The following USP32 variants were observed in gnomAD, a reference collection of about 807,000 sequenced individuals.
USP32 encodes ubiquitin carboxyl-terminal hydrolase 32.
A neutral mutation model predicts 204.8 loss-of-function variants in USP32; 59 were observed. The ratio of observed to expected loss-of-function variants is 0.29; its 90% CI spans 0.23 to 0.36. The LOEUF (loss-of-function observed/expected upper bound fraction) is 0.36, where lower values mean the gene tolerates loss of function less well. USP32 is among the 10% of genes least tolerant of loss of function. The pLI is 1.00. For missense variants in USP32, 1,160 were observed against 1,946.4 expected (o/e 0.60, Z 7.60); for synonymous variants, 517 against 678.4 (o/e 0.76, Z 3.70).
chr17:60,244,554 C>G (rs1216597379), intron 11 of USP32, among the ~76,000 whole-genome samples: 1 of 151,984 alleles, frequency 6.6e-6, no homozygotes, highest in Non-Finnish European at 1.5e-5. Flanking sequence ...TTAAATAAAA[C>G]TATTTTGGGG....
chr17:60,243,348 A>G (rs189112284), intron 11 of USP32, among the ~76,000 whole-genome samples: 15 of 152,144 alleles, frequency 9.9e-5, no homozygotes, highest in Admixed American at 4.6e-4. Flanking sequence ...GATGCCTTTT[A>G]TTTCCTTTTC....
At chr17:60,256,667 G>A (rs1342524470) in intron 9 of USP32, 2 of 1,081,236 alleles carry the variant, frequency 1.8e-6, no homozygotes, top group African/African-American at 3.4e-5. Flanking sequence ...TTGTCCCACT[G>A]TAGTGTGGTA....
At chr17:60,236,061 G>T in intron 12 of USP32, 77 bp downstream of exon 12, 1 of 1,154,650 alleles carries the variant, frequency 8.7e-7, no homozygotes, top group Non-Finnish European at 1.3e-6. Flanking sequence ...GGTAGTCATA[G>T]CATTTTATTA....
Position 60,226,125 on chromosome 17 carries a change from C to T in USP32, c.1346G>A (p.Ser449Asn), listed in dbSNP as rs771412702. The change falls in exon 13 of 34, where the codon AGC becomes AAC. Residue 449 changes from serine to asparagine, a missense_variant. Around this residue, in one of 8 missense-constraint regions of USP32, gnomAD observed 536 missense variants for 680.9 expected, o/e 0.79. Coordinates refer to ENST00000300896, the MANE Select transcript of USP32 (RefSeq NM_032582.4). ...TGTAGTATTCACGTAACTGAGGCTG[C>T]TTCCAATTCTATCTTCGACCTGCTC... ...PMEQVEDRIG[S>N]SLSYVNTTEE... The T allele has an allele frequency of 6.2e-6, 10 of 1,608,476 alleles. No individual in the cohort carries two copies. The highest frequency in any genetic ancestry group is 8.5e-6 in the Non-Finnish European group (10 of 1,178,094).
At chr17:60,285,199 TG>T (rs2087079920) in intron 5 of USP32, among the ~76,000 whole-genome samples, 1 of 152,192 alleles carries the variant, frequency 6.6e-6, no homozygotes, top group Non-Finnish European at 1.5e-5. Context: ...AATATCCATA[TG>T]AGTAACAATA....
intron 3 of USP32, among the ~76,000 whole-genome samples, chr17:60,295,745 GTT>G (rs1430555655): frequency 6.6e-6 from 1 of 151,558 alleles, no homozygotes; most frequent in East Asian, 1.9e-4. Flanking sequence ...ATAGTATATT[GTT>G]ATAATATTAC....
intron 5 of USP32, 126 bp downstream of exon 5, chr17:60,288,397 G>T: frequency 8.7e-7 from 1 of 1,143,364 alleles, no homozygotes; most frequent in Non-Finnish European, 1.2e-6. Context: ...CCACGATGGT[G>T]CCACTGCACT....
At chr17:60,333,495 G>A (rs1452396795) in intron 2 of USP32, among the ~76,000 whole-genome samples, 1 of 152,148 alleles carries the variant, frequency 6.6e-6, no homozygotes. Flanking sequence ...AGCTACTTGG[G>A]ACACTAAGGC....
intron 9 of USP32, 64 bp from the exon 10 acceptor site, chr17:60,255,322 G>C: frequency 7.8e-7 from 1 of 1,274,444 alleles, no homozygotes; most frequent in Non-Finnish European, 1.1e-6. Flanking sequence ...TTTTGAGACG[G>C]AGTCTCATAC....
intron 11 of USP32, among the ~76,000 whole-genome samples, chr17:60,248,676 A>G (rs1168228466): frequency 6.6e-6 from 1 of 151,948 alleles, no homozygotes; most frequent in Non-Finnish European, 1.5e-5. Context: ...ATTTATTGCT[A>G]TTTTCTATTT....
At chr17:60,270,024 G>A (rs543442950) in intron 6 of USP32, among the ~76,000 whole-genome samples, 2 of 152,180 alleles carry the variant, frequency 1.3e-5, no homozygotes, top group Non-Finnish European at 2.9e-5. Flanking sequence ...ATAAAGCAAA[G>A]GAAGATACAC....
chr17:60,336,021 A>G (rs979788113), intron 2 of USP32, among the ~76,000 whole-genome samples: 1 of 143,198 alleles, frequency 7.0e-6, no homozygotes, highest in Non-Finnish European at 1.5e-5. Context: ...TAGTCATGTC[A>G]GTAGCTCGGT....
At chr17:60,389,434 T>G (rs900460316) in intron 1 of USP32, among the ~76,000 whole-genome samples, 3 of 151,820 alleles carry the variant, frequency 2.0e-5, no homozygotes, top group Admixed American at 6.6e-5. Context: ...TCCCAGCTAC[T>G]CGGGAGGCTG....
At chr17:60,265,295 G>C (rs2086560668) in intron 9 of USP32, 117 bp downstream of exon 9, 1 of 623,988 alleles carries the variant, frequency 1.6e-6, no homozygotes, top group Non-Finnish European at 2.7e-6. Flanking sequence ...CACAGGTCCA[G>C]ATAAGTACTT....
intron 1 of USP32, among the ~76,000 whole-genome samples, chr17:60,360,457 G>A (rs186729502): frequency 1.1e-4 from 16 of 152,068 alleles, no homozygotes; most frequent in Admixed American, 4.6e-4. Context: ...TCAGGAGTTC[G>A]AGACCAGCCT....
intron 1 of USP32, among the ~76,000 whole-genome samples, chr17:60,367,851 A>T (rs2089348156): frequency 6.6e-6 from 1 of 151,398 alleles, no homozygotes; most frequent in South Asian, 2.1e-4. Context: ...ATGGATGGCT[A>T]CCTCTGTACC....
At chr17:60,308,594 C>A (rs1266595022) in intron 2 of USP32, among the ~76,000 whole-genome samples, 3 of 152,178 alleles carry the variant, frequency 2.0e-5, no homozygotes, top group African/African-American at 4.8e-5. Flanking sequence ...ACAGTCTTTT[C>A]AATAAATGGT....
intron 1 of USP32, among the ~76,000 whole-genome samples, chr17:60,362,252 A>T (rs1429637724): frequency 6.6e-6 from 1 of 152,226 alleles, no homozygotes; most frequent in Non-Finnish European, 1.5e-5. Context: ...TCGTATTAAC[A>T]AGCATAAAAA....
In USP32 at chr17:60,348,100, C is replaced by T. The variant is rs139085176; in HGVS notation, c.59-2492G>A. Reference sequence around the variant, plus strand: ...TAGCGCCACTGCACTCCAGCCTGGGCAACAGAGCGAGACCCCGTCTCAAAA... The same window carrying T: ...TAGCGCCACTGCACTCCAGCCTGGGTAACAGAGCGAGACCCCGTCTCAAAA... On this transcript the variant is annotated intron_variant, in intron 1 of 33. Coordinates refer to ENST00000300896, the MANE Select transcript of USP32 (RefSeq NM_032582.4). Among the ~76,000 whole-genome samples the T allele has an allele frequency of 1.2e-4, 18 of 146,044 alleles. 1 individual carries two copies. In the East Asian group the frequency reaches 3.6e-3, roughly 30 times the overall value.
Sources: gnomAD v4.1 joint callset for allele counts (sites outside exome capture counted in the v4.1 genomes callset) on GRCh38, gnomAD v4.1.1 for gene constraint, gnomAD v4.1.1 regional missense constraint, MANE v1.5 for transcripts, NCBI Gene and HGNC (gene_info 2026-07-23, HGNC 2026-07-21) for gene names.